SUSD4: variants seen among roughly 807,000 people sequenced by gnomAD.
The protein encoded by SUSD4 is sushi domain containing 4.
SUSD4 carries 41 observed loss-of-function variants against 50.5 expected under a neutral mutation model. The observed-to-expected ratio is 0.81, with a 90% CI of 0.63 to 1.05. SUSD4 has a LOEUF of 1.05. SUSD4 is among the 50% of genes least tolerant of loss of function. The pLI is 0.00. For missense variants in SUSD4, 580 were observed against 634.7 expected (o/e 0.91, Z 0.93); for synonymous variants, 257 against 257.3 (o/e 1.00, Z 0.01).
At chr1:223,264,110 T>C (rs1210990082) in intron 5 of SUSD4, 16 of 985,312 alleles carry the variant, frequency 1.6e-5, no homozygotes, top group Middle Eastern at 1.0e-3. Flanking sequence ...TACTACTGAT[T>C]AGTGGTCTTT....
At chr1:223,264,956 A>C in intron 4 of SUSD4, 138 bp from the exon 5 acceptor site, 1 of 829,170 alleles carries the variant, frequency 1.2e-6, no homozygotes, top group Middle Eastern at 3.7e-4. Flanking sequence ...AGAATGAAGC[A>C]CCTTGGTCTC....
chr1:223,261,158 C>T (rs904523110), intron 5 of SUSD4, among the ~76,000 whole-genome samples: 1 of 152,192 alleles, frequency 6.6e-6, no homozygotes, highest in Non-Finnish European at 1.5e-5. Context: ...GCAGTAAGAG[C>T]TTGCGGCCAC....
At chr1:223,298,503 C>T (rs898255196) in intron 2 of SUSD4, among the ~76,000 whole-genome samples, 13 of 152,170 alleles carry the variant, frequency 8.5e-5, no homozygotes, top group African/African-American at 2.2e-4. Flanking sequence ...TAGGTCTACA[C>T]GAGGGATTTG....
At chr1:223,274,492 C>T (rs952766416) in intron 3 of SUSD4, among the ~76,000 whole-genome samples, 2 of 152,198 alleles carry the variant, frequency 1.3e-5, no homozygotes, top group Admixed American at 1.3e-4. Flanking sequence ...TTTTGGCTTG[C>T]AGCTGAAGGT....
At chr1:223,239,439 C>T (rs1660431997) in intron 5 of SUSD4, among the ~76,000 whole-genome samples, 1 of 152,002 alleles carries the variant, frequency 6.6e-6, no homozygotes, top group South Asian at 2.1e-4. Context: ...CTTTTTCATC[C>T]ACTTCCAGCA....
intron 2 of SUSD4, among the ~76,000 whole-genome samples, chr1:223,351,294 T>C (rs1668352124): frequency 6.6e-6 from 1 of 152,220 alleles, no homozygotes; most frequent in Non-Finnish European, 1.5e-5. Context: ...TGAAAGGATA[T>C]GAGGGAGCAC....
chr1:223,311,106 C>T (rs1373597796), intron 2 of SUSD4, among the ~76,000 whole-genome samples: 1 of 152,202 alleles, frequency 6.6e-6, no homozygotes, highest in African/African-American at 2.4e-5. Context: ...ATGGTGTTCA[C>T]ACTAGGCAGG....
intron 3 of SUSD4, among the ~76,000 whole-genome samples, chr1:223,287,943 A>G (rs1664249071): frequency 6.6e-6 from 1 of 152,196 alleles, no homozygotes; most frequent in South Asian, 2.1e-4. Context: ...GCAAAGAGGA[A>G]ACTCAAAGAA....
At chr1:223,271,956 G>T (rs1393021890) in intron 3 of SUSD4, among the ~76,000 whole-genome samples, 1 of 152,188 alleles carries the variant, frequency 6.6e-6, no homozygotes, top group Non-Finnish European at 1.5e-5. Context: ...TTGAAGGCAG[G>T]TGGCTCACCC....
At chr1:223,289,059 T>C (rs896135129) in intron 3 of SUSD4, 3 of 975,020 alleles carry the variant, frequency 3.1e-6, no homozygotes, top group Non-Finnish European at 3.7e-6. Flanking sequence ...CATAACTGAG[T>C]TGGTTTTGGA....
At chr1:223,243,916 T>C (rs1027295675) in intron 5 of SUSD4, among the ~76,000 whole-genome samples, 1 of 152,284 alleles carries the variant, frequency 6.6e-6, no homozygotes, top group African/African-American at 2.4e-5. Context: ...AGAGCCTCTT[T>C]ATTCTGTTAC....
At chr1:223,294,397 C>T (rs1199964890) in intron 2 of SUSD4, among the ~76,000 whole-genome samples, 3 of 152,216 alleles carry the variant, frequency 2.0e-5, no homozygotes, top group Non-Finnish European at 2.9e-5. Context: ...CTCTAACATA[C>T]TGCACTTGCA....
chr1:223,315,529 C>T (rs1666134827), intron 2 of SUSD4, among the ~76,000 whole-genome samples: 1 of 152,226 alleles, frequency 6.6e-6, no homozygotes, highest in South Asian at 2.1e-4. Flanking sequence ...GCCCGCCAAA[C>T]TATCGTTGAA....
intron 3 of SUSD4, among the ~76,000 whole-genome samples, chr1:223,274,373 G>A (rs1417918652): frequency 6.6e-6 from 1 of 152,206 alleles, no homozygotes; most frequent in African/African-American, 2.4e-5. Flanking sequence ...ACCACCATGT[G>A]GGATAGTTTT....
chr1:223,233,538 C>G (rs558473693), intron 5 of SUSD4, among the ~76,000 whole-genome samples: 26 of 152,236 alleles, frequency 1.7e-4, no homozygotes, highest in Admixed American at 3.9e-4. Flanking sequence ...ACAGACAGTT[C>G]CACACAGACA....
At chr1:223,331,318 T>C (rs1667158798) in intron 2 of SUSD4, among the ~76,000 whole-genome samples, 1 of 152,196 alleles carries the variant, frequency 6.6e-6, no homozygotes, top group Admixed American at 6.5e-5. Context: ...CAGAGAGACC[T>C]GCTCCTTAGC....
At chr1:223,262,553 A>G (rs1234695412) in intron 5 of SUSD4, among the ~76,000 whole-genome samples, 1 of 152,022 alleles carries the variant, frequency 6.6e-6, no homozygotes, top group Non-Finnish European at 1.5e-5. Context: ...AGAAATGCAA[A>G]CCTCTAGGCA....
intron 5 of SUSD4, among the ~76,000 whole-genome samples, chr1:223,239,217 ATTAAT>A (rs2103018535): frequency 6.6e-6 from 1 of 152,006 alleles, no homozygotes; most frequent in Admixed American, 6.5e-5. Context: ...TTTTATTTAT[ATTAAT>A]TTGTCTTCAC....
intron 2 of SUSD4, among the ~76,000 whole-genome samples, chr1:223,333,243 C>A (rs926371970): frequency 1.3e-5 from 2 of 152,084 alleles, no homozygotes; most frequent in African/African-American, 2.4e-5. Flanking sequence ...ACGTGCATTT[C>A]AATCCACACT....
Sources: gnomAD v4.1 joint callset for allele counts (sites outside exome capture counted in the v4.1 genomes callset) on GRCh38, gnomAD v4.1.1 for gene constraint, MANE v1.5 for transcripts, NCBI Gene and HGNC (gene_info 2026-07-23, HGNC 2026-07-21) for gene names.